ARHGEF28: variants seen among roughly 807,000 people sequenced by gnomAD.
The protein encoded by ARHGEF28 is Rho guanine nucleotide exchange factor 28, also known as 190 kDa guanine nucleotide exchange factor.
A neutral mutation model predicts 206.6 loss-of-function variants in ARHGEF28; 152 were observed. The ratio of observed to expected loss-of-function variants is 0.74; its 90% CI spans 0.64 to 0.84. The LOEUF is 0.84. Among genes scored for constraint, ARHGEF28 ranks in the 40% least tolerant of loss-of-function variants. The pLI is 0.00. For missense variants in ARHGEF28, 2,028 were observed against 2,073.2 expected (o/e 0.98, Z 0.42); for synonymous variants, 763 against 776.4 (o/e 0.98, Z 0.29).
rs564640335 is a variant in ARHGEF28, at chr5:73,799,322, A to G, written c.1024+3931A>G. ...ACAAAGATGCATAAACCATCACTGA[A>G]TCAGCAAAGCTGCGAATGGCTTGAT... On this transcript the variant is annotated intron_variant, in intron 9 of 35. Coordinates refer to ENST00000513042, the MANE Select transcript of ARHGEF28 (RefSeq NM_001177693.2). 7.9e-5 allele frequency among the ~76,000 whole-genome samples: 12 copies of G among 152,276 alleles called. No homozygotes were observed. In the East Asian group the frequency reaches 2.3e-3, roughly 29 times the overall value.
intron 2 of ARHGEF28, among the ~76,000 whole-genome samples, chr5:73,743,704 T>C (rs184582024): frequency 6.6e-6 from 1 of 152,212 alleles, no homozygotes; most frequent in Non-Finnish European, 1.5e-5. Context: ...ATGTTCTTTG[T>C]GTACTCTTCT....
intron 2 of ARHGEF28, among the ~76,000 whole-genome samples, chr5:73,748,277 T>G (rs1751843840): frequency 6.6e-6 from 1 of 152,236 alleles, no homozygotes; most frequent in East Asian, 1.9e-4. Context: ...ATTGATTACG[T>G]TTATGTGTGC....
chr5:73,852,487 A>C (rs980121967), intron 13 of ARHGEF28, among the ~76,000 whole-genome samples, 163 bp from the exon 14 acceptor site: 1 of 152,194 alleles, frequency 6.6e-6, no homozygotes, highest in Non-Finnish European at 1.5e-5. Context: ...ATTTAAAAAA[A>C]TCCAGAGCAA....
At position 73,778,379 on chromosome 5, in the gene ARHGEF28, T is replaced by A. The variant is rs531460091; in HGVS notation, c.840+1683T>A. The A allele has an allele frequency of 7.9e-5, 12 of 152,352 alleles. No homozygotes were observed. In the South Asian group the frequency reaches 1.4e-3, roughly 18 times the overall value. 9.4% of individuals were successfully genotyped at this position (152,352 alleles called of 1,614,324 possible). Reference sequence around the variant, plus strand: ...TACATTTGAGATAATACTGATGACCTTGGGGAAGATTTATGATGAGTAAAT... The same window carrying A: ...TACATTTGAGATAATACTGATGACCATGGGGAAGATTTATGATGAGTAAAT... On this transcript the variant is annotated intron_variant, in intron 6 of 35. Coordinates refer to ENST00000513042, the MANE Select transcript of ARHGEF28 (RefSeq NM_001177693.2).
chr5:73,725,481 C>A (rs1335724183), intron 2 of ARHGEF28, among the ~76,000 whole-genome samples: 1 of 151,160 alleles, frequency 6.6e-6, no homozygotes, highest in African/African-American at 2.4e-5. Flanking sequence ...TACCTCTTAA[C>A]TGTTATTTAA....
At chr5:73,887,746 T>C in intron 26 of ARHGEF28, 67 bp downstream of exon 26, 1 of 1,297,714 alleles carries the variant, frequency 7.7e-7, no homozygotes. Context: ...GAAAAATACC[T>C]AAAATTCCTA....
At chr5:73,921,863 T>G (rs947448701) in intron 35 of ARHGEF28, among the ~76,000 whole-genome samples, 3 of 152,232 alleles carry the variant, frequency 2.0e-5, no homozygotes, top group African/African-American at 7.2e-5. Flanking sequence ...TTTAATTTTA[T>G]TTAATGACCT....
intron 2 of ARHGEF28, among the ~76,000 whole-genome samples, chr5:73,733,041 A>G (rs1330487397): frequency 6.6e-6 from 1 of 152,204 alleles, no homozygotes; most frequent in African/African-American, 2.4e-5. Flanking sequence ...GTTTAGTTAC[A>G]TGAATAAGTT....
At chr5:73,915,314 T>C (rs188034639) in intron 35 of ARHGEF28, among the ~76,000 whole-genome samples, 6 of 152,330 alleles carry the variant, frequency 3.9e-5, no homozygotes, top group African/African-American at 1.4e-4. Context: ...CTTAAAAATA[T>C]TTTGTTTCTC....
At chr5:73,758,841 A>G (rs780605274) in intron 4 of ARHGEF28, among the ~76,000 whole-genome samples, 5 of 152,190 alleles carry the variant, frequency 3.3e-5, no homozygotes, top group Non-Finnish European at 7.4e-5. Flanking sequence ...TTGTAAAGGT[A>G]CTAGCATGAA....
intron 9 of ARHGEF28, among the ~76,000 whole-genome samples, chr5:73,825,835 G>A (rs1244820321): frequency 1.3e-5 from 2 of 152,170 alleles, no homozygotes; most frequent in Admixed American, 1.3e-4. Context: ...CTTTGGACCT[G>A]TTGTGCTTGA....
At chr5:73,777,869 A>G (rs1052147946) in intron 6 of ARHGEF28, among the ~76,000 whole-genome samples, 1 of 152,092 alleles carries the variant, frequency 6.6e-6, no homozygotes, top group Non-Finnish European at 1.5e-5. Flanking sequence ...TCATGAGGTC[A>G]GGAGATCGAG....
intron 1 of ARHGEF28, among the ~76,000 whole-genome samples, chr5:73,636,754 G>T (rs1313615614): frequency 6.6e-6 from 1 of 152,154 alleles, no homozygotes; most frequent in Non-Finnish European, 1.5e-5. Context: ...ACCTTTCTCG[G>T]CTCTGGTGAC....
At chr5:73,638,793 C>T (rs1426501218) in intron 1 of ARHGEF28, among the ~76,000 whole-genome samples, 1 of 152,066 alleles carries the variant, frequency 6.6e-6, no homozygotes, top group East Asian at 1.9e-4. Flanking sequence ...AATGAATCAC[C>T]ACCTCATGTG....
intron 22 of ARHGEF28, among the ~76,000 whole-genome samples, chr5:73,879,442 G>A (rs192080458): frequency 0.031 from 4,689 of 152,196 alleles, 87 homozygotes; most frequent in South Asian, 0.054. Flanking sequence ...GTCATTCTCC[G>A]TCCAGCTTTG....
chr5:73,776,458 G>C lies in ARHGEF28; in HGVS notation c.660-58G>C, dbSNP rs1753546987. The C allele has an allele frequency of 1.5e-5, 22 of 1,478,744 alleles. 1 individual carries two copies. The South Asian group carries it at 3.0e-4, about 20-fold the overall frequency. The allele number at this position is 1,478,744 out of a possible 1,614,324, so 91.6% of individuals were successfully genotyped here. A position where few individuals can be genotyped will look rare whatever the true frequency, so the allele number is the denominator to read the frequency against. On this transcript the variant is annotated intron_variant, in intron 5 of 35. Coordinates refer to ENST00000513042, the MANE Select transcript of ARHGEF28 (RefSeq NM_001177693.2). ...TCAGGGGCAGTGATCCTAAGGGCTG[G>C]GATCCTGGGGCTGGTGTCTTTGAAG...
intron 2 of ARHGEF28, among the ~76,000 whole-genome samples, chr5:73,741,631 G>A (rs994010547): frequency 7.1e-6 from 1 of 141,420 alleles, no homozygotes; most frequent in African/African-American, 2.8e-5. Flanking sequence ...ATGTTGGCCA[G>A]GCTAGTCTCA....
chr5:73,884,825 C>G (rs1293711939), intron 24 of ARHGEF28, among the ~76,000 whole-genome samples: 1 of 147,706 alleles, frequency 6.8e-6, no homozygotes, highest in African/African-American at 2.6e-5. Flanking sequence ...ATAAGATAAT[C>G]TAGAGACAAG....
At chr5:73,653,366 C>T (rs1436917363) in intron 1 of ARHGEF28, among the ~76,000 whole-genome samples, 3 of 152,134 alleles carry the variant, frequency 2.0e-5, no homozygotes, top group Non-Finnish European at 4.4e-5. Flanking sequence ...GTCTGTATAT[C>T]GAGTATATTG....
Sources: allele counts gnomAD v4.1 joint callset (sites outside exome capture counted in the v4.1 genomes callset), GRCh38; gene constraint gnomAD v4.1.1; transcripts MANE v1.5; gene names NCBI Gene and HGNC (gene_info 2026-07-23, HGNC 2026-07-21).